The following CNPY1 variants were observed in gnomAD, a reference collection of about 807,000 sequenced individuals.
CNPY1 encodes protein canopy homolog 1.
Under a neutral mutation model 14.4 loss-of-function variants are expected in CNPY1, and 14 were observed. The observed-to-expected ratio is 0.97, with a 90% CI of 0.64 to 1.52. The LOEUF is 1.52. Ranked by LOEUF, CNPY1 falls within the 40% of genes most tolerant of loss-of-function variation. The pLI is 0.00. For synonymous variants in CNPY1, 43 were observed against 46.5 expected (o/e 0.92, Z 0.31); for missense variants, 129 against 131.5 (o/e 0.98, Z 0.09).
At chr7:155,504,786 G>A (rs1045248535) in intron 4 of CNPY1, among the ~76,000 whole-genome samples, 1 of 151,676 alleles carries the variant, frequency 6.6e-6, no homozygotes, top group Non-Finnish European at 1.5e-5. Flanking sequence ...AAAGCTGTTG[G>A]GCAAGATCAC....
Position 155,502,678 on chromosome 7 carries a change from C to T in CNPY1, c.*390G>A, listed in dbSNP as rs1796154952. 1 of 173,782 alleles carries T rather than the reference C, an allele frequency of 5.8e-6. No homozygotes were observed. Among genetic ancestry groups the T allele is most frequent in the Non-Finnish European group, 1.2e-5 (1 of 82,686 alleles). 10.8% of individuals were successfully genotyped at this position (173,782 alleles called of 1,614,324 possible). On this transcript the variant is annotated 3_prime_UTR_variant, in exon 5 of 5. Transcript: ENST00000636446. ...AGTATTTGAGGATTCAAATCCAGTT[C>T]TTATCAGACAGCCACTGCGCTTGCA...
At chr7:155,532,288 C>T (rs76919959) in intron 2 of CNPY1, among the ~76,000 whole-genome samples, 2,641 of 152,232 alleles carry the variant, frequency 0.017, 76 homozygotes, top group African/African-American at 0.06. Flanking sequence ...ACTGCCTTTC[C>T]CAACTGTTCT....
At chr7:155,524,102 C>T (rs1032943317) in intron 2 of CNPY1, among the ~76,000 whole-genome samples, 23 of 152,306 alleles carry the variant, frequency 1.5e-4, no homozygotes, top group Non-Finnish European at 2.8e-4. Flanking sequence ...ATCATTTCTG[C>T]GTAAGACATC....
At chr7:155,510,011 G>T (rs1796485966) in intron 2 of CNPY1, among the ~76,000 whole-genome samples, 1 of 152,166 alleles carries the variant, frequency 6.6e-6, no homozygotes, top group Admixed American at 6.5e-5. Flanking sequence ...CCGCAGCCCG[G>T]GCCTTTGCGG....
chr7:155,527,054 C>CTTTCTTTCTTTCTTTCTTTCTTTCTT lies in CNPY1; in HGVS notation c.100-17958_100-17957insAAGAAAGAAAGAAAGAAAGAAAGAAA, dbSNP rs56296833. Among the ~76,000 whole-genome samples, 348 of 90,322 alleles carry CTTTCTTTCTTTCTTTCTTTCTTTCTT rather than the reference C, an allele frequency of 3.9e-3. 2 individuals are homozygous for CTTTCTTTCTTTCTTTCTTTCTTTCTT. The highest frequency in any genetic ancestry group is 9.1e-3 in the South Asian group (21 of 2,304). The allele number at this position is 90,322 out of a possible 152,430, so 59.3% of individuals were successfully genotyped here. On this transcript the variant is annotated intron_variant, in intron 2 of 4. Transcript: ENST00000636446. ...TTTTTCTTTCTTTCTTTCTTTCTTT[C>CTTTCTTTCTTTCTTTCTTTCTTTCTT]TTTTTTTTTTTTTTTTTGAGACAGT...
At chr7:155,507,820 G>T (rs1396702326) in intron 3 of CNPY1, among the ~76,000 whole-genome samples, 1 of 152,146 alleles carries the variant, frequency 6.6e-6, no homozygotes, top group Non-Finnish European at 1.5e-5. Flanking sequence ...GAACTACCAG[G>T]TTATACTTTC....
At chr7:155,510,166 C>T (rs1481363189) in intron 2 of CNPY1, 3 of 152,268 alleles carry the variant, frequency 2.0e-5, no homozygotes. Flanking sequence ...GCAGTATGAA[C>T]CCTTCCGGTG....
At chr7:155,533,206 C>T (rs1796970953) in intron 2 of CNPY1, among the ~76,000 whole-genome samples, 1 of 152,202 alleles carries the variant, frequency 6.6e-6, no homozygotes, top group African/African-American at 2.4e-5. Flanking sequence ...CGCTCACCCT[C>T]AAAACCCACT....
At chr7:155,514,740 C>G (rs1379007794) in intron 2 of CNPY1, among the ~76,000 whole-genome samples, 1 of 151,882 alleles carries the variant, frequency 6.6e-6, no homozygotes, top group Non-Finnish European at 1.5e-5. Flanking sequence ...ACTAAAAATA[C>G]AAAATTAGCC....
At position 155,502,192 on chromosome 7, in the gene CNPY1, T is replaced by G. The variant is rs1003814732; in HGVS notation, c.*876A>C. On this transcript the variant is annotated 3_prime_UTR_variant, in exon 5 of 5. Coordinates refer to ENST00000636446, the MANE Select transcript of CNPY1 (RefSeq NM_001393663.1). ...GTTACTAGACTTTGTATATTAAGTG[T>G]GGCCAAAAGATAATTTCCCACCAGG... is the stretch of plus-strand genomic sequence containing the variant. 6.6e-6 allele frequency: 1 copy of G among 152,164 alleles called. No homozygotes were observed. Among genetic ancestry groups the G allele is most frequent in the African/African-American group, 2.4e-5 (1 of 41,458 alleles). The allele number at this position is 152,164 out of a possible 1,614,324, so 9.4% of individuals were successfully genotyped here. A position where few individuals can be genotyped will look rare whatever the true frequency, so the allele number is the denominator to read the frequency against.
chr7:155,526,816 G>C (rs1455329340), intron 2 of CNPY1, among the ~76,000 whole-genome samples: 1 of 152,120 alleles, frequency 6.6e-6, no homozygotes, highest in East Asian at 1.9e-4. Context: ...CCAACAACAT[G>C]GGTTAGTGTT....
rs1796168279 is a variant in CNPY1, at chr7:155,503,024, TG to T, written c.*43del. On this transcript the variant is annotated 3_prime_UTR_variant, in exon 5 of 5. Coordinates refer to ENST00000636446, the MANE Select transcript of CNPY1 (RefSeq NM_001393663.1). ...AACATAAAATGCAGACATTGACCTT[TG>T]GGTGTGACTTTACTCCTCTCTACGA... is the stretch of plus-strand genomic sequence containing the variant. The T allele has an allele frequency of 1.9e-6, 3 of 1,568,158 alleles. No homozygotes were observed. The highest frequency in any genetic ancestry group is 2.7e-5 in the African/African-American group (2 of 73,204).
chr7:155,546,202 T>C (rs1198945376), intron 1 of CNPY1, among the ~76,000 whole-genome samples: 1 of 152,128 alleles, frequency 6.6e-6, no homozygotes, highest in Non-Finnish European at 1.5e-5. Flanking sequence ...CTTTTTTTTT[T>C]TTGAGACAGG....
At chr7:155,533,130 C>G (rs1322641884) in intron 2 of CNPY1, among the ~76,000 whole-genome samples, 2 of 152,220 alleles carry the variant, frequency 1.3e-5, no homozygotes, top group African/African-American at 4.8e-5. Flanking sequence ...CGTACAGTGA[C>G]AACATCTGCG....
At chr7:155,533,270 G>T (rs1349162942) in intron 2 of CNPY1, among the ~76,000 whole-genome samples, 1 of 152,184 alleles carries the variant, frequency 6.6e-6, no homozygotes, top group African/African-American at 2.4e-5. Context: ...CCTCTCGTTC[G>T]GGGTCTGACA....
intron 2 of CNPY1, among the ~76,000 whole-genome samples, chr7:155,537,453 C>T (rs1463654023): frequency 1.6e-4 from 21 of 130,696 alleles, no homozygotes; most frequent in South Asian, 2.4e-4. Context: ...GACGGAGTTT[C>T]GCTTTTGTCG....
intron 3 of CNPY1, among the ~76,000 whole-genome samples, chr7:155,508,617 G>A (rs539870014): frequency 7.9e-5 from 12 of 152,306 alleles, no homozygotes; most frequent in Non-Finnish European, 1.5e-4. Flanking sequence ...AAAGTCCCCG[G>A]GACTTGTGCA....
At chr7:155,508,321 C>G (rs1478048752) in intron 3 of CNPY1, among the ~76,000 whole-genome samples, 1 of 152,210 alleles carries the variant, frequency 6.6e-6, no homozygotes, top group Non-Finnish European at 1.5e-5. Flanking sequence ...CTTTGTTTAA[C>G]TTAGTTTGGG....
rs1305425009 is a variant in CNPY1, at chr7:155,502,011, G to T, written c.*1057C>A. On this transcript the variant is annotated 3_prime_UTR_variant, in exon 5 of 5. Coordinates refer to ENST00000636446, the MANE Select transcript of CNPY1 (RefSeq NM_001393663.1). ...TTTTGGGTCGGGGGGGTTGGGGGGG[G>T]GATTTGTAGCATCCTACCCACTTGA... The T allele has an allele frequency of 6.8e-6, 1 of 146,628 alleles. No individual in the cohort carries two copies. Among genetic ancestry groups the T allele is most frequent in the Non-Finnish European group, 1.5e-5 (1 of 66,470 alleles). The allele number at this position is 146,628 out of a possible 1,614,324, so 9.1% of individuals were successfully genotyped here.
Sources: gnomAD v4.1 joint callset for allele counts (sites outside exome capture counted in the v4.1 genomes callset) on GRCh38, gnomAD v4.1.1 for gene constraint, MANE v1.5 for transcripts, NCBI Gene and HGNC (gene_info 2026-07-23, HGNC 2026-07-21) for gene names.